Variants in DUT observed in about 807,000 individuals in gnomAD.
DUT encodes deoxyuridine 5'-triphosphate nucleotidohydrolase, mitochondrial.
In DUT, 21 loss-of-function variants were observed where a neutral mutation model predicts 28.8. The observed-to-expected ratio is 0.73, with a 90% CI of 0.52 to 1.05. The LOEUF (loss-of-function observed/expected upper bound fraction) is 1.05. Among genes scored for constraint, DUT ranks in the 50% least tolerant of loss-of-function variants. DUT has a pLI of 0.00. For missense variants in DUT, 344 were observed against 351.8 expected, an observed-to-expected ratio of 0.98 and a Z score of 0.18; for synonymous variants, 147 against 143.7, an observed-to-expected ratio of 1.02 and a Z score of -0.17.
intron 1 of DUT, 93 bp from the exon 2 acceptor site, chr15:48,332,175 C>A: frequency 1.4e-6 from 2 of 1,461,410 alleles, no homozygotes; most frequent in Non-Finnish European, 1.8e-6. Context: ...TCGGTTTTGG[C>A]GCGCTCCCTG....
In DUT at chr15:48,331,623, G is replaced by A. The variant is rs545142979; in HGVS notation, c.108G>A (p.Ala36=). Residue 36 remains alanine, a synonymous_variant, in exon 1 of 7, where the codon GCG becomes GCA. Coordinates refer to ENST00000331200, the MANE Select transcript of DUT (RefSeq NM_001025248.2). The part of the protein sequence containing the change: ...ARGARQRAEA[A]VLSGPGPPLG... Reference sequence around the variant, plus strand: ...GCGCACGGCAGAGGGCCGAAGCCGCGGTACTCTCCGGGCCAGGCCCGCCCC... The same window carrying A: ...GCGCACGGCAGAGGGCCGAAGCCGCAGTACTCTCCGGGCCAGGCCCGCCCC... 1.3e-6 allele frequency: 2 copies of A among 1,550,920 alleles called. No individual in the cohort carries two copies. The highest frequency in any genetic ancestry group is 1.2e-5 in the South Asian group (1 of 84,030).
rs2042552557 is a variant in DUT, at chr15:48,342,669, C to CTAT, written c.*594_*596dup. The CTAT allele has an allele frequency of 6.6e-6, 1 of 152,142 alleles. No homozygotes were observed. The highest frequency in any genetic ancestry group is 6.5e-5 in the Admixed American group (1 of 15,276). The allele number at this position is 152,142 out of a possible 1,614,324, so 9.4% of individuals were successfully genotyped here. A position where few individuals can be genotyped will look rare whatever the true frequency, so the allele number is the denominator to read the frequency against. ...AAAGAATCCTCAGTTTATTTTTCCA[C>CTAT]TATTAATCTTTCTTTTGATAAATCC... On this transcript the variant is annotated 3_prime_UTR_variant, in exon 7 of 7. Transcript: ENST00000331200.
In DUT at chr15:48,331,442, G is replaced by A; in HGVS notation, c.-74G>A. The A allele has an allele frequency of 6.3e-7, 1 of 1,583,930 alleles. No homozygotes were observed. The highest frequency in any genetic ancestry group is 8.6e-7 in the Non-Finnish European group (1 of 1,166,660). On this transcript the variant is annotated 5_prime_UTR_variant, in exon 1 of 7. Transcript: ENST00000331200. ...TTCCGAGGTCATGTTCCCAGGACGGGCGCGTCTTCAGGGTGGAAGCCTGGC... is the reference window on the plus strand; with the variant it reads ...TTCCGAGGTCATGTTCCCAGGACGGACGCGTCTTCAGGGTGGAAGCCTGGC...
intron 2 of DUT, among the ~76,000 whole-genome samples, chr15:48,333,625 C>G (rs993909501): frequency 6.6e-6 from 1 of 152,290 alleles, no homozygotes; most frequent in Non-Finnish European, 1.5e-5. Context: ...ATTGTAAAAT[C>G]TCTTAAATTT....
intron 4 of DUT, among the ~76,000 whole-genome samples, chr15:48,339,587 A>T (rs932831887): frequency 4.6e-5 from 7 of 152,120 alleles, no homozygotes; most frequent in Admixed American, 3.3e-4. Context: ...TTTCATCTTT[A>T]TATCAAATTT....
rs1752672353 is a variant in DUT, at chr15:48,336,958, T to C, written c.556+868T>C. On this transcript the variant is annotated intron_variant, in intron 4 of 6. Coordinates refer to ENST00000331200, the MANE Select transcript of DUT (RefSeq NM_001025248.2). Reference sequence around the variant, plus strand: ...TTCCACTGCAATTAATTGTGGAGATTACCCTGCTGCATCCCCCTCACCAAC... The same window carrying C: ...TTCCACTGCAATTAATTGTGGAGATCACCCTGCTGCATCCCCCTCACCAAC... Among the ~76,000 whole-genome samples the C allele has an allele frequency of 2.0e-5, 3 of 152,210 alleles. No individual in the cohort carries two copies. In the South Asian group the frequency reaches 6.2e-4, roughly 31 times the overall value.
intron 6 of DUT, 33 bp downstream of exon 6, chr15:48,341,618 A>G: frequency 1.3e-6 from 2 of 1,513,500 alleles, no homozygotes; most frequent in Non-Finnish European, 9.1e-7. Flanking sequence ...CAGAATAAGT[A>G]ATATAACATC....
intron 1 of DUT, 47 bp downstream of exon 1, chr15:48,331,842 G>T: frequency 7.6e-7 from 1 of 1,317,938 alleles, no homozygotes; most frequent in Non-Finnish European, 9.7e-7. Context: ...AGGAATCCAC[G>T]CGGCTTGAGG....
At chr15:48,336,290 A>T (rs1302142330) in intron 4 of DUT, among the ~76,000 whole-genome samples, 200 bp downstream of exon 4, 1 of 152,164 alleles carries the variant, frequency 6.6e-6, no homozygotes, top group Non-Finnish European at 1.5e-5. Context: ...TAAAATAATG[A>T]TTACCTAATT....
upstream of DUT, chr15:48,331,390 C>A (rs2042405374): frequency 2.0e-6 from 3 of 1,493,828 alleles, no homozygotes; most frequent in Non-Finnish European, 2.7e-6. Context: ...CTCTCCACGC[C>A]CCTCGTCCGG....
intron 3 of DUT, among the ~76,000 whole-genome samples, chr15:48,335,622 T>C (rs1369726230): frequency 1.3e-5 from 2 of 152,188 alleles, no homozygotes; most frequent in Non-Finnish European, 2.9e-5. Context: ...TGGTGTCCCA[T>C]CTTAAAACCA....
intron 3 of DUT, 63 bp from the exon 4 acceptor site, chr15:48,335,983 C>A: frequency 1.6e-6 from 2 of 1,270,884 alleles, no homozygotes; most frequent in South Asian, 1.3e-5. Context: ...TAAATTGCAT[C>A]AGTTATCTCT....
intron 4 of DUT, among the ~76,000 whole-genome samples, chr15:48,339,707 C>T (rs1464390396): frequency 1.3e-5 from 2 of 152,090 alleles, no homozygotes; most frequent in African/African-American, 2.4e-5. Flanking sequence ...CCTTCAGGCC[C>T]GACAGGAGAT....
intron 1 of DUT, 118 bp from the exon 2 acceptor site, chr15:48,332,150 G>T (rs2042421614): frequency 7.0e-7 from 1 of 1,422,736 alleles, no homozygotes. Context: ...GGTGGGGCGG[G>T]GCTGGCGGGA....
rs1374114679 is a variant in DUT at position 48,338,516 on chromosome 15, A to T, written c.556+2426A>T. On this transcript the variant is annotated intron_variant, in intron 4 of 6. Transcript: ENST00000331200. The stretch of plus-strand genomic sequence containing the variant: ...ACACAAAATATAGACAAGGACATGC[A>T]AATGTCCAACAAATGGGAGGAAAAA... 5.3e-5 allele frequency among the ~76,000 whole-genome samples: 8 copies of T among 152,370 alleles called. No individual in the cohort carries two copies. In the South Asian group the frequency reaches 1.4e-3, roughly 28 times the overall value.
chr15:48,332,901 C>T (rs556375156), intron 2 of DUT, among the ~76,000 whole-genome samples: 6 of 152,344 alleles, frequency 3.9e-5, no homozygotes, highest in African/African-American at 1.4e-4. Context: ...ACTTTCATCT[C>T]TACAGCACGT....
chr15:48,338,194 A>C (rs1283965539), intron 4 of DUT, among the ~76,000 whole-genome samples: 1 of 150,382 alleles, frequency 6.6e-6, no homozygotes, highest in Non-Finnish European at 1.5e-5. Flanking sequence ...CATTCATGCA[A>C]AAAAAAAAAC....
chr15:48,331,815 G>T lies in DUT; in HGVS notation c.280+20G>T, dbSNP rs2141155434. ...GGCCGGGTAGGAAAGGCGGGGGAGG[G>T]GCTCCGGCCGTCTGGAAGGAATCCA... On this transcript the variant is annotated intron_variant, in intron 1 of 6. Transcript: ENST00000331200. The T allele has an allele frequency of 1.5e-6, 2 of 1,356,852 alleles. No individual in the cohort carries two copies. Among genetic ancestry groups the T allele is most frequent in the East Asian group, 6.1e-5 (2 of 32,706 alleles). 84.1% of individuals were successfully genotyped at this position (1,356,852 alleles called of 1,614,324 possible). A position where few individuals can be genotyped will look rare whatever the true frequency, so the allele number is the denominator to read the frequency against.
upstream of DUT, chr15:48,331,184 C>T: frequency 6.6e-7 from 1 of 1,518,832 alleles, no homozygotes; most frequent in East Asian, 2.5e-5. Context: ...CGGGCGGTGC[C>T]GCCCCAGGTA....
Sources: allele counts gnomAD v4.1 joint callset (sites outside exome capture counted in the v4.1 genomes callset), GRCh38; gene constraint gnomAD v4.1.1; transcripts MANE v1.5; gene names NCBI Gene and HGNC (gene_info 2026-07-23, HGNC 2026-07-21).